Variants in SYNJ2 observed in about 807,000 individuals in gnomAD.
The protein encoded by SYNJ2 is synaptojanin 2.
SYNJ2 carries 116 observed loss-of-function variants against 141.3 expected under a neutral mutation model. That is an observed-to-expected ratio of 0.82 (90% CI 0.71 to 0.96). The LOEUF (loss-of-function observed/expected upper bound fraction) is 0.96. Among genes scored for constraint, SYNJ2 ranks in the 40% least tolerant of loss-of-function variants. SYNJ2 has a pLI of 0.00. For synonymous variants in SYNJ2, 745 were observed against 777.7 expected (o/e 0.96, Z 0.70); for missense variants, 1,873 against 1,934.8 (o/e 0.97, Z 0.60).
In SYNJ2 at chr6:158,093,036, C is replaced by A. The variant is rs142460538; in HGVS notation, c.3676C>A (p.Leu1226Ile). 3.7e-6 allele frequency: 6 copies of A among 1,611,516 alleles called. No individual in the cohort carries two copies. In the African/African-American group the frequency reaches 8.0e-5, roughly 22 times the overall value. ...ACCAGAGACCCCACAGGCGCCCCCA[C>A]TCCTTCCCCGTCGGCCCCCACCCAG... The part of the protein sequence containing the change: ...AKPETPQAPP[L>I]LPRRPPPRVP... Residue 1226 changes from leucine (L) to isoleucine (I), a missense_variant, in exon 26 of 27, where the codon CTC (leucine) becomes ATC (isoleucine). Transcript: ENST00000355585.
At chr6:158,018,236 G>C (rs945238947) in intron 2 of SYNJ2, among the ~76,000 whole-genome samples, 2 of 152,230 alleles carry the variant, frequency 1.3e-5, no homozygotes, top group African/African-American at 4.8e-5. Context: ...AAACTCAGCT[G>C]TTCCTGGAGC....
At chr6:158,010,963 T>G (rs1583313292) in intron 1 of SYNJ2, among the ~76,000 whole-genome samples, 2 of 133,432 alleles carry the variant, frequency 1.5e-5, no homozygotes, top group Admixed American at 7.9e-5. Flanking sequence ...ACAGGACATG[T>G]GGGGAGGGGA....
At chr6:158,073,578 T>C (rs1283181616) in intron 15 of SYNJ2, among the ~76,000 whole-genome samples, 4 of 152,148 alleles carry the variant, frequency 2.6e-5, no homozygotes, top group African/African-American at 4.8e-5. Flanking sequence ...TAAAATTAAA[T>C]AACATTTAAA....
intron 25 of SYNJ2, among the ~76,000 whole-genome samples, chr6:158,091,486 C>G (rs11965543): frequency 0.018 from 2,671 of 151,070 alleles, 76 homozygotes; most frequent in African/African-American, 0.062. Context: ...CAGTGGCTCA[C>G]GCCTGTAATC....
chr6:158,002,942 T>C (rs1207900226), intron 1 of SYNJ2, among the ~76,000 whole-genome samples: 1 of 152,202 alleles, frequency 6.6e-6, no homozygotes, highest in Non-Finnish European at 1.5e-5. Flanking sequence ...CTACAAAGAC[T>C]CAGTGGCCAG....
intron 17 of SYNJ2, 44 bp from the exon 18 acceptor site, chr6:158,078,120 A>G (rs1782434045): frequency 2.3e-6 from 3 of 1,295,362 alleles, no homozygotes; most frequent in Non-Finnish European, 3.4e-6. Context: ...TTGGATATTG[A>G]CTCGATTCTA....
rs1399583695 is a variant in SYNJ2, at chr6:158,033,517, A to G, written c.548A>G (p.Lys183Arg). The G allele has an allele frequency of 1.9e-6, 3 of 1,614,222 alleles. No individual in the cohort carries two copies. Among genetic ancestry groups the G allele is most frequent in the Non-Finnish European group, 2.5e-6 (3 of 1,180,050 alleles). The part of the protein sequence containing the change: ...HQVSCCDWLL[K>R]IICGVVTIRT... ...GTGAGCTGCTGTGACTGGCTGCTGA[A>G]GATCATCTGCGGGGTGGTCACCATC... is the stretch of plus-strand genomic sequence containing the variant. The change falls in exon 4 of 27, where the codon AAG (lysine) becomes AGG (arginine). Residue 183 changes from lysine to arginine, a missense_variant. Physicochemically the swap from Lys to Arg is conservative, Grantham distance 26. Transcript: ENST00000355585.
chr6:158,030,090 T>A (rs570773758), intron 3 of SYNJ2, among the ~76,000 whole-genome samples: 272 of 152,296 alleles, frequency 1.8e-3, no homozygotes, highest in Non-Finnish European at 3.5e-3. Context: ...GATTTCTGTA[T>A]GTTTAAGATC....
intron 8 of SYNJ2, 90 bp downstream of exon 8, chr6:158,062,254 G>C (rs73579689): frequency 6.5e-7 from 1 of 1,549,452 alleles, no homozygotes; most frequent in Admixed American, 1.8e-5. Context: ...CCTTCTGCTG[G>C]GTGAGGCGGC....
intron 5 of SYNJ2, among the ~76,000 whole-genome samples, chr6:158,050,767 C>A (rs1780524406): frequency 6.6e-6 from 1 of 152,172 alleles, no homozygotes; most frequent in Non-Finnish European, 1.5e-5. Flanking sequence ...TGCCTGTTCC[C>A]TGGACTCAAG....
intron 1 of SYNJ2, among the ~76,000 whole-genome samples, chr6:157,999,866 G>A (rs1013978521): frequency 2.6e-5 from 4 of 152,112 alleles, no homozygotes; most frequent in Non-Finnish European, 5.9e-5. Flanking sequence ...GTTCTCTTTC[G>A]AGCCGTGCAG....
At position 158,043,304 on chromosome 6, in the gene SYNJ2, C is replaced by A. The variant is rs780412753; in HGVS notation, c.712-12C>A. On this transcript the variant is annotated splice_polypyrimidine_tract_variant and intron_variant, in intron 4 of 26. Coordinates refer to ENST00000355585, the MANE Select transcript of SYNJ2 (RefSeq NM_003898.4). The surrounding 1 kb of genome is among the most constrained non-coding windows in gnomAD (Gnocchi z 4.0). Reference sequence around the variant, plus strand: ...AAGAATACCTTTCCCTTTCTGTTTCCTTGTGCCGCAGATGATTTACATGGA... The same window carrying A: ...AAGAATACCTTTCCCTTTCTGTTTCATTGTGCCGCAGATGATTTACATGGA... 1 of 1,612,952 alleles carries A rather than the reference C, an allele frequency of 6.2e-7. No homozygotes were observed. Among genetic ancestry groups the A allele is most frequent in the South Asian group, 1.1e-5 (1 of 91,028 alleles).
intron 20 of SYNJ2, among the ~76,000 whole-genome samples, chr6:158,082,801 A>G (rs1049997987): frequency 2.6e-5 from 4 of 152,244 alleles, no homozygotes; most frequent in Admixed American, 2.0e-4. Flanking sequence ...CTATGCTCGC[A>G]CTGCCATGTG....
upstream of SYNJ2, among the ~76,000 whole-genome samples, chr6:157,981,614 G>A (rs1054060635): frequency 6.6e-6 from 1 of 151,956 alleles, no homozygotes; most frequent in Non-Finnish European, 1.5e-5. This position sits in a 1 kb window ranked among gnomAD's most constrained non-coding sequence, Gnocchi z 6.4. Flanking sequence ...CCCGCGCGGG[G>A]CATCCTCCTC....
At chr6:158,003,692 T>A (rs1218474627) in intron 1 of SYNJ2, among the ~76,000 whole-genome samples, 1 of 152,204 alleles carries the variant, frequency 6.6e-6, no homozygotes, top group Non-Finnish European at 1.5e-5. Context: ...GAAGAGCATG[T>A]GGTTTGCTTG....
At chr6:158,000,947 T>C (rs1461102043) in intron 1 of SYNJ2, among the ~76,000 whole-genome samples, 1 of 151,954 alleles carries the variant, frequency 6.6e-6, no homozygotes, top group African/African-American at 2.4e-5. Flanking sequence ...ACCTCTCCAT[T>C]CATTAAGGAG....
At chr6:158,055,641 G>T (rs1174141829) in intron 6 of SYNJ2, among the ~76,000 whole-genome samples, 1 of 151,932 alleles carries the variant, frequency 6.6e-6, no homozygotes, top group Non-Finnish European at 1.5e-5. Context: ...CTTCTTAAAA[G>T]ATTTGCTTAT....
intron 15 of SYNJ2, among the ~76,000 whole-genome samples, chr6:158,073,397 C>T (rs1030007492): frequency 1.3e-5 from 2 of 151,918 alleles, no homozygotes; most frequent in Non-Finnish European, 2.9e-5. Context: ...GGGGTTTCGC[C>T]ATGTTGGCCC....
intron 12 of SYNJ2, chr6:158,067,601 T>C (rs573434359): frequency 2.0e-6 from 2 of 985,430 alleles, no homozygotes; most frequent in African/African-American, 3.5e-5. Flanking sequence ...ACTCAGGAAC[T>C]TGTGGTTCAG....
Sources: allele counts gnomAD v4.1 joint callset (sites outside exome capture counted in the v4.1 genomes callset), GRCh38; gene constraint gnomAD v4.1.1; non-coding constraint Gnocchi (gnomAD v3.1); transcripts MANE v1.5; gene names NCBI Gene and HGNC (gene_info 2026-07-23, HGNC 2026-07-21).